The following PLEK2 variants were observed in gnomAD, a reference collection of about 807,000 sequenced individuals.
PLEK2 encodes the protein pleckstrin 2.
In PLEK2, 29 loss-of-function variants were observed where a neutral mutation model predicts 43.8. The observed-to-expected ratio is 0.66, with a 90% confidence interval of 0.49 to 0.90. PLEK2 has a LOEUF of 0.90. Among genes scored for constraint, PLEK2 ranks in the 40% least tolerant of loss-of-function variants. The pLI, the probability that PLEK2 is intolerant of heterozygous loss-of-function variation, is 0.00. For synonymous variants in PLEK2, 162 were observed against 173.2 expected (o/e 0.94, Z 0.51); for missense variants, 398 against 448.1 (o/e 0.89, Z 1.01).
In PLEK2 at chr14:67,408,350, AAAAT is replaced by A. The variant is rs1425502943; in HGVS notation, c.42+3664_42+3667del. On this transcript the variant is annotated intron_variant, in intron 1 of 8. Coordinates refer to ENST00000216446, the MANE Select transcript of PLEK2 (RefSeq NM_016445.3). ...AAAATAAAATAAAATAAAATAAAAT[AAAAT>A]AAAAAAAGAAAAAACAAAGATGGGA... is the stretch of plus-strand genomic sequence containing the variant. Among the ~76,000 whole-genome samples, 249 of 144,680 alleles carry A rather than the reference AAAAT, an allele frequency of 1.7e-3. 4 individuals carry two copies. The East Asian group carries it at 0.018, about 11-fold the overall frequency. The allele number at this position is 144,680 out of a possible 152,430, so 94.9% of individuals were successfully genotyped here. A position where few individuals can be genotyped will look rare whatever the true frequency, so the allele number is the denominator to read the frequency against.
intron 2 of PLEK2, among the ~76,000 whole-genome samples, chr14:67,396,175 T>C (rs933731140): frequency 6.6e-6 from 1 of 151,692 alleles, no homozygotes; most frequent in African/African-American, 2.4e-5. Context: ...TGAGACGGAG[T>C]CTTGCTCTGT....
intron 3 of PLEK2, among the ~76,000 whole-genome samples, chr14:67,393,785 G>A (rs540947957): frequency 2.6e-5 from 4 of 152,138 alleles, no homozygotes; most frequent in South Asian, 2.1e-4. Context: ...TGCATACCAC[G>A]GTGTTCCCAT....
intron 7 of PLEK2, among the ~76,000 whole-genome samples, chr14:67,389,322 A>C (rs1216602665): frequency 1.3e-5 from 2 of 152,102 alleles, no homozygotes; most frequent in Admixed American, 1.3e-4. Context: ...GGGCAGTCTC[A>C]GGGAGGACAG....
intron 1 of PLEK2, among the ~76,000 whole-genome samples, chr14:67,409,228 G>A (rs2139904178): frequency 6.6e-6 from 1 of 151,972 alleles, no homozygotes; most frequent in South Asian, 2.1e-4. Flanking sequence ...GGGCAACAGA[G>A]TGAGACCCTC....
chr14:67,411,168 A>G (rs899616912), intron 1 of PLEK2, among the ~76,000 whole-genome samples: 3 of 149,980 alleles, frequency 2.0e-5, no homozygotes, highest in Non-Finnish European at 3.0e-5. Flanking sequence ...AGGTCAAATC[A>G]GGAAAAAATT....
intron 1 of PLEK2, among the ~76,000 whole-genome samples, chr14:67,408,721 C>G (rs191693641): frequency 6.6e-6 from 1 of 152,198 alleles, no homozygotes; most frequent in African/African-American, 2.4e-5. Flanking sequence ...AGAGGCAGCA[C>G]GGCCCTGGCA....
intron 1 of PLEK2, 24 bp from the exon 2 acceptor site, chr14:67,397,850 G>A: frequency 6.3e-7 from 1 of 1,587,940 alleles, no homozygotes; most frequent in African/African-American, 1.3e-5. Flanking sequence ...AGAAAGCCCT[G>A]AGGTGAGGCG....
intron 1 of PLEK2, among the ~76,000 whole-genome samples, chr14:67,407,737 C>T (rs546107382): frequency 6.6e-6 from 1 of 152,242 alleles, no homozygotes; most frequent in South Asian, 2.1e-4. Context: ...CCACCACACC[C>T]GGCAGACCCC....
chr14:67,411,345 G>T (rs940401996), intron 1 of PLEK2, among the ~76,000 whole-genome samples: 1 of 152,072 alleles, frequency 6.6e-6, no homozygotes, highest in African/African-American at 2.4e-5. Flanking sequence ...GCTATTACTG[G>T]CTCTGGAGCT....
At chr14:67,389,771 T>C (rs572897835) in intron 7 of PLEK2, among the ~76,000 whole-genome samples, 33 of 147,426 alleles carry the variant, frequency 2.2e-4, no homozygotes, top group Admixed American at 1.7e-3. Context: ...AAAGTGTTTT[T>C]TTTCTTTTTT....
intron 1 of PLEK2, among the ~76,000 whole-genome samples, chr14:67,406,283 T>G (rs939467051): frequency 1.5e-4 from 23 of 151,736 alleles, no homozygotes; most frequent in African/African-American, 5.3e-4. Flanking sequence ...AATGCTAACT[T>G]TTGGGATAAT....
At chr14:67,389,706 G>A (rs1263349860) in intron 7 of PLEK2, among the ~76,000 whole-genome samples, 1 of 151,728 alleles carries the variant, frequency 6.6e-6, no homozygotes, top group African/African-American at 2.4e-5. Flanking sequence ...AGACTCATCA[G>A]GGGCACAAAG....
rs763937201 is a variant in PLEK2, at chr14:67,387,486, G to A, written c.935-30C>T. 9 of 1,594,722 alleles carry A rather than the reference G, an allele frequency of 5.6e-6. No individual in the cohort carries two copies. In the African/African-American group the frequency reaches 1.2e-4, roughly 22 times the overall value. On this transcript the variant is annotated intron_variant, in intron 8 of 8. Coordinates refer to ENST00000216446, the MANE Select transcript of PLEK2 (RefSeq NM_016445.3). ...GCAGAAAAAAGGGGGAAAAAAATCA[G>A]TGATTGAATAGCCATGTCTGCTTTC... is the stretch of plus-strand genomic sequence containing the variant.
intron 1 of PLEK2, among the ~76,000 whole-genome samples, chr14:67,405,427 A>G (rs1379241819): frequency 1.3e-5 from 2 of 152,202 alleles, no homozygotes; most frequent in East Asian, 3.9e-4. Context: ...ATAATATGGC[A>G]CCAAGGCAAA....
Position 67,393,991 on chromosome 14 carries a change from A to G in PLEK2, c.390-750T>C, listed in dbSNP as rs531035060. Among the ~76,000 whole-genome samples, 4 of 152,270 alleles carry G rather than the reference A, an allele frequency of 2.6e-5. No individual in the cohort carries two copies. The South Asian group carries it at 8.3e-4, about 32-fold the overall frequency. ...ACATCACTTCTGTTTGTAAGTCCCTATTAAATGCCTCTTTGTGAGAAACTG... is the reference window on the plus strand; with the variant it reads ...ACATCACTTCTGTTTGTAAGTCCCTGTTAAATGCCTCTTTGTGAGAAACTG... On this transcript the variant is annotated intron_variant, in intron 3 of 8. Coordinates refer to ENST00000216446, the MANE Select transcript of PLEK2 (RefSeq NM_016445.3).
chr14:67,403,671 A>G (rs556978859), intron 1 of PLEK2, among the ~76,000 whole-genome samples: 1 of 152,360 alleles, frequency 6.6e-6, no homozygotes, highest in Non-Finnish European at 1.5e-5. Flanking sequence ...GTAGACAAGA[A>G]ATTCAAATAA....
intron 3 of PLEK2, 62 bp from the exon 4 acceptor site, chr14:67,393,303 G>T (rs990442012): frequency 2.8e-5 from 31 of 1,118,770 alleles, no homozygotes; most frequent in Middle Eastern, 2.0e-4. Context: ...ATAAGGGAGG[G>T]TCCTGAGTCA....
chr14:67,398,820 C>T (rs2086028438), intron 1 of PLEK2, among the ~76,000 whole-genome samples: 1 of 152,214 alleles, frequency 6.6e-6, no homozygotes, highest in African/African-American at 2.4e-5. Context: ...CTTGGCCTCC[C>T]AAAGTGCTAG....
rs1329862193 is a variant in PLEK2, at chr14:67,397,747, C to A, written c.122G>T (p.Gly41Val). 1.2e-6 allele frequency: 2 copies of A among 1,612,948 alleles called. No homozygotes were observed. The highest frequency in any genetic ancestry group is 1.7e-6 in the Non-Finnish European group (2 of 1,179,320). ...NTLVYYKLEG[G>V]RRVTPPKGRI... Reference sequence around the variant, plus strand: ...GCCCTTGGGAGGGGTCACTCTCCGACCCCCCTCAAGCTTGTAGTACACCAG... The same window carrying A: ...GCCCTTGGGAGGGGTCACTCTCCGAACCCCCTCAAGCTTGTAGTACACCAG... Residue 41 changes from glycine (G) to valine (V), a missense_variant, in exon 2 of 9, where the codon GGT becomes GTT. Physicochemically the swap from Gly to Val is moderately radical, Grantham distance 109. Transcript: ENST00000216446.
Sources: gnomAD v4.1 joint callset for allele counts (sites outside exome capture counted in the v4.1 genomes callset) on GRCh38, gnomAD v4.1.1 for gene constraint, MANE v1.5 for transcripts, NCBI Gene and HGNC (gene_info 2026-07-23, HGNC 2026-07-21) for gene names.